Variants in FEZ1 observed in about 807,000 individuals in gnomAD.
FEZ1 encodes the protein fasciculation and elongation protein zeta-1.
A neutral mutation model predicts 49.3 loss-of-function variants in FEZ1; 20 were observed. That is an observed-to-expected ratio of 0.41 (90% CI 0.29 to 0.59). FEZ1 has a LOEUF of 0.59. Among genes scored for constraint, FEZ1 ranks in the 20% least tolerant of loss-of-function variants. The pLI, the probability that FEZ1 is intolerant of heterozygous loss-of-function variation, is 0.36. For synonymous variants in FEZ1, 170 were observed against 180.9 expected (o/e 0.94, Z 0.48); for missense variants, 413 against 476.0 (o/e 0.87, Z 1.23).
In FEZ1 at chr11:125,445,073, G is replaced by A. The variant is rs751838304; in HGVS notation, c.*1022C>T. The stretch of plus-strand genomic sequence containing the variant: ...GAGATCGAGCCAGCATCCGGGATAC[G>A]AGGAGACCTTCGCCTGCTGGTTGGT... On this transcript the variant is annotated 3_prime_UTR_variant, in exon 10 of 10. Transcript: ENST00000278919. This position sits in a 1 kb window ranked among gnomAD's most constrained non-coding sequence, Gnocchi z 4.4. 1.3e-5 allele frequency among the ~76,000 whole-genome samples: 2 copies of A among 152,212 alleles called. No individual in the cohort carries two copies. The highest frequency in any genetic ancestry group is 2.4e-5 in the African/African-American group (1 of 41,452).
chr11:125,450,201 G>A (rs565324349), intron 8 of FEZ1, among the ~76,000 whole-genome samples: 1 of 151,862 alleles, frequency 6.6e-6, no homozygotes, highest in African/African-American at 2.4e-5. Flanking sequence ...CTAATTTTTT[G>A]TATTTTTAGT....
chr11:125,464,200 C>T (rs947387277), intron 3 of FEZ1, among the ~76,000 whole-genome samples: 1 of 152,212 alleles, frequency 6.6e-6, no homozygotes, highest in African/African-American at 2.4e-5. Context: ...CCCCATTTAT[C>T]TCATTTGCCC....
chr11:125,469,245 C>T (rs1049868060), intron 3 of FEZ1: 1 of 152,392 alleles, frequency 6.6e-6, no homozygotes, highest in Admixed American at 6.5e-5. Context: ...AAGCCCTGAC[C>T]CCATAGCCTT....
intron 3 of FEZ1, among the ~76,000 whole-genome samples, chr11:125,467,767 G>A (rs1382299957): frequency 1.3e-5 from 2 of 152,176 alleles, no homozygotes; most frequent in South Asian, 2.1e-4. Flanking sequence ...TTGAGCCAGG[G>A]AGGTGGAGGC....
At position 125,445,805 on chromosome 11, in the gene FEZ1, T is replaced by G. The variant is rs1956892939; in HGVS notation, c.*290A>C. 2 of 459,888 alleles carry G rather than the reference T, an allele frequency of 4.3e-6. No individual in the cohort carries two copies. Among genetic ancestry groups the G allele is most frequent in the South Asian group, 4.1e-5 (2 of 49,264 alleles). 28.5% of individuals were successfully genotyped at this position (459,888 alleles called of 1,614,324 possible). A position where few individuals can be genotyped will look rare whatever the true frequency, so the allele number is the denominator to read the frequency against. On this transcript the variant is annotated 3_prime_UTR_variant, in exon 10 of 10. Coordinates refer to ENST00000278919, the MANE Select transcript of FEZ1 (RefSeq NM_005103.5). This position sits in a 1 kb window ranked among gnomAD's most constrained non-coding sequence, Gnocchi z 4.4. ...TTAGTCTTAAGAGTATAAGCTGTTT[T>G]TGAGGGCTGTAGCCAGACTACATAA...
rs1956871159 is a variant in FEZ1 at position 125,443,257 on chromosome 11, T to C, written c.*2838A>G. Among the ~76,000 whole-genome samples the C allele has an allele frequency of 6.6e-6, 1 of 151,978 alleles. No individual in the cohort carries two copies. The highest frequency in any genetic ancestry group is 2.4e-5 in the African/African-American group (1 of 41,362). Reference sequence around the variant, plus strand: ...ATCAGGATTGACTCAGGCCTGAAAATCAGTTAATTCTTGGGACTCTTCTGT... The same window carrying C: ...ATCAGGATTGACTCAGGCCTGAAAACCAGTTAATTCTTGGGACTCTTCTGT... On this transcript the variant is annotated 3_prime_UTR_variant, in exon 10 of 10. Transcript: ENST00000278919.
intron 8 of FEZ1, among the ~76,000 whole-genome samples, 198 bp from the exon 9 acceptor site, chr11:125,448,765 G>C (rs186984314): frequency 1.2e-4 from 18 of 152,038 alleles, no homozygotes; most frequent in African/African-American, 4.1e-4. Flanking sequence ...CTACCTATCC[G>C]GTACTATGTT....
intron 5 of FEZ1, among the ~76,000 whole-genome samples, chr11:125,457,479 TACAC>T (rs1170882844): frequency 5.1e-5 from 3 of 58,608 alleles, no homozygotes; most frequent in South Asian, 1.7e-3. Context: ...TATGTATATA[TACAC>T]ATATATGTGT....
At chr11:125,487,863 G>T (rs1049583587) in intron 2 of FEZ1, among the ~76,000 whole-genome samples, 1 of 152,160 alleles carries the variant, frequency 6.6e-6, no homozygotes, top group Non-Finnish European at 1.5e-5. Flanking sequence ...CCCTCTATGT[G>T]TAAAAGTAGA....
intron 7 of FEZ1, chr11:125,453,748 C>G (rs1956979557): frequency 6.2e-6 from 1 of 160,312 alleles, no homozygotes; most frequent in Non-Finnish European, 1.4e-5. Flanking sequence ...CAGAGGCAGT[C>G]TTAGTGGGAA....
rs77205056 is a variant in FEZ1 at position 125,445,254 on chromosome 11, G to A, written c.*841C>T. On this transcript the variant is annotated 3_prime_UTR_variant, in exon 10 of 10. Coordinates refer to ENST00000278919, the MANE Select transcript of FEZ1 (RefSeq NM_005103.5). The surrounding 1 kb of genome is among the most constrained non-coding windows in gnomAD (Gnocchi z 4.4). ...GGGACAAACAGGGAGTGGTGGTTTC[G>A]TCAAGTACAGGAAACAAGTTGCAGT... Among the ~76,000 whole-genome samples, 1,697 of 152,276 alleles carry A rather than the reference G, an allele frequency of 0.011. 30 individuals are homozygous for A. The highest frequency in any genetic ancestry group is 0.03 in the African/African-American group (1,226 of 41,550).
At chr11:125,446,704 G>T (rs1327787480) in intron 9 of FEZ1, among the ~76,000 whole-genome samples, 2 of 151,930 alleles carry the variant, frequency 1.3e-5, no homozygotes, top group African/African-American at 4.8e-5. Flanking sequence ...TTGAGACAGG[G>T]TCTTGCTGTG....
chr11:125,463,329 A>G (rs1957093369), intron 4 of FEZ1, 155 bp downstream of exon 4: 5 of 552,166 alleles, frequency 9.1e-6, no homozygotes. Context: ...TATAAAGAAA[A>G]AAAAGAAACA....
At chr11:125,481,863 A>G (rs1391781244) in intron 2 of FEZ1, 2 of 531,158 alleles carry the variant, frequency 3.8e-6, no homozygotes, top group African/African-American at 3.8e-5. Flanking sequence ...TGTTTGCTTG[A>G]GGGAAGAGGA....
At chr11:125,452,972 T>A (rs1336340714) in intron 7 of FEZ1, 1 of 151,890 alleles carries the variant, frequency 6.6e-6, no homozygotes, top group Non-Finnish European at 1.5e-5. Context: ...TTTTTTTTTT[T>A]TTTGAGACAG....
At chr11:125,493,905 C>T (rs75632240) in intron 1 of FEZ1, among the ~76,000 whole-genome samples, 1,829 of 152,262 alleles carry the variant, frequency 0.012, 34 homozygotes, top group African/African-American at 0.032. Flanking sequence ...CCAATCCAAC[C>T]AGAATCTAGG....
chr11:125,490,448 T>C (rs1478938113), intron 1 of FEZ1, among the ~76,000 whole-genome samples: 1 of 152,248 alleles, frequency 6.6e-6, no homozygotes, highest in Non-Finnish European at 1.5e-5. Context: ...ATGTACACTC[T>C]ATTACTACTT....
chr11:125,461,646 T>C (rs1352177498), intron 4 of FEZ1, among the ~76,000 whole-genome samples: 1 of 152,208 alleles, frequency 6.6e-6, no homozygotes, highest in Non-Finnish European at 1.5e-5. Context: ...ACTTTGTACA[T>C]TAATTATTTA....
intron 5 of FEZ1, 84 bp from the exon 6 acceptor site, chr11:125,456,190 A>G: frequency 7.7e-7 from 1 of 1,299,000 alleles, no homozygotes; most frequent in African/African-American, 1.5e-5. Context: ...CCACCAATCA[A>G]GATGGGACTG....
Sources: gnomAD v4.1 joint callset for allele counts (sites outside exome capture counted in the v4.1 genomes callset) on GRCh38, gnomAD v4.1.1 for gene constraint, Gnocchi (gnomAD v3.1) non-coding constraint, MANE v1.5 for transcripts, NCBI Gene and HGNC (gene_info 2026-07-23, HGNC 2026-07-21) for gene names.